The following PRIM2 variants were observed in gnomAD, a reference collection of about 807,000 sequenced individuals.
The protein encoded by PRIM2 is DNA primase subunit 2, also known as DNA primase large subunit.
In PRIM2, 39 loss-of-function variants were observed where a neutral mutation model predicts 67.3. The ratio of observed to expected loss-of-function variants is 0.58; its 90% CI spans 0.45 to 0.76. The LOEUF is 0.76. PRIM2 is among the 30% of genes least tolerant of loss of function. The pLI, the probability that PRIM2 is intolerant of heterozygous loss-of-function variation, is 0.00. For synonymous variants in PRIM2, 143 were observed against 198.7 expected (o/e 0.72, Z 2.36); for missense variants, 398 against 598.7 (o/e 0.66, Z 3.50).
chr6:57,262,352 G>A, the PRIM2 span, among the ~76,000 whole-genome samples: 5 of 152,158 alleles, frequency 3.3e-5, no homozygotes, highest in East Asian at 5.8e-4. Context: ...TATTTATGGC[G>A]TAAATCCCCT....
the PRIM2 span, among the ~76,000 whole-genome samples, chr6:57,256,009 GCACACACACACACATACACACA>G: frequency 1.3e-4 from 18 of 133,668 alleles, no homozygotes; most frequent in African/African-American, 6.4e-4. Flanking sequence ...ATTTAGACAC[GCACACACACACACATACACACA>G]CACACACACA....
At chr6:57,441,003 G>T (rs1311714780) in intron 7 of PRIM2, among the ~76,000 whole-genome samples, 1 of 152,208 alleles carries the variant, frequency 6.6e-6, no homozygotes, top group East Asian at 1.9e-4. Context: ...CTCTGACTTA[G>T]CAACTGTGAA....
chr6:57,331,914 T>G (rs1055573844), intron 5 of PRIM2, among the ~76,000 whole-genome samples: 2 of 151,706 alleles, frequency 1.3e-5, no homozygotes, highest in Admixed American at 1.3e-4. Context: ...TTTACTACAG[T>G]CTTTAGTATT....
chr6:57,313,025 T>C (rs1419065484), upstream of PRIM2, among the ~76,000 whole-genome samples: 1 of 152,242 alleles, frequency 6.6e-6, no homozygotes, highest in African/African-American at 2.4e-5. Context: ...TTGGGTTTTC[T>C]ATTCTGTTCC....
chr6:57,286,594 T>C, the PRIM2 span, among the ~76,000 whole-genome samples: 2 of 152,126 alleles, frequency 1.3e-5, no homozygotes, highest in South Asian at 2.1e-4. Flanking sequence ...TTACACCTTA[T>C]ACAAAAATTA....
chr6:57,365,063 A>C (rs1769314951), intron 5 of PRIM2, among the ~76,000 whole-genome samples: 1 of 152,090 alleles, frequency 6.6e-6, no homozygotes, highest in Admixed American at 6.6e-5. Context: ...AAGTCAAGAC[A>C]GCTTACTGGG....
intron 5 of PRIM2, among the ~76,000 whole-genome samples, chr6:57,367,470 C>T (rs1769397124): frequency 6.6e-6 from 1 of 152,140 alleles, no homozygotes; most frequent in African/African-American, 2.4e-5. Context: ...GTCAGAAATA[C>T]CTCCAAACCT....
the PRIM2 span, among the ~76,000 whole-genome samples, chr6:57,300,690 A>T: frequency 2.0e-5 from 3 of 151,972 alleles, no homozygotes; most frequent in Admixed American, 1.3e-4. Context: ...TTGGGTTGCT[A>T]TTTTCTCTAC....
chr6:57,528,115 C>T (rs1433262004), intron 8 of PRIM2, among the ~76,000 whole-genome samples: 9 of 150,636 alleles, frequency 6.0e-5, no homozygotes, highest in Non-Finnish European at 1.2e-4. Flanking sequence ...AGGTGCGTGC[C>T]ACCACACCCA....
intron 10 of PRIM2, among the ~76,000 whole-genome samples, chr6:57,582,854 G>A (rs1401436049): frequency 8.6e-5 from 13 of 150,534 alleles, no homozygotes; most frequent in Non-Finnish European, 1.6e-4. Flanking sequence ...AGTTACATAT[G>A]TATACATGTG....
At chr6:57,515,368 A>T (rs1554348118) in intron 8 of PRIM2, among the ~76,000 whole-genome samples, 4 of 152,220 alleles carry the variant, frequency 2.6e-5, no homozygotes, top group Admixed American at 6.5e-5. Context: ...AGGAATTGCA[A>T]CATAGATGTT....
the PRIM2 span, among the ~76,000 whole-genome samples, chr6:57,234,875 T>C: frequency 6.6e-6 from 1 of 152,178 alleles, no homozygotes; most frequent in Admixed American, 6.5e-5. Flanking sequence ...CTGTAACAAA[T>C]CGGTATTGAT....
At chr6:57,386,107 T>C (rs894529846) in intron 7 of PRIM2, among the ~76,000 whole-genome samples, 4 of 151,788 alleles carry the variant, frequency 2.6e-5, no homozygotes, top group Non-Finnish European at 4.4e-5. Flanking sequence ...TTATTCTGGC[T>C]GAGTGGGGTG....
At chr6:57,244,588 C>A in the PRIM2 span, among the ~76,000 whole-genome samples, 3 of 151,972 alleles carry the variant, frequency 2.0e-5, no homozygotes, top group Non-Finnish European at 2.9e-5. Context: ...TGGATTAAAC[C>A]CCGTGTCCAC....
intron 7 of PRIM2, among the ~76,000 whole-genome samples, chr6:57,452,097 A>G (rs1360168218): frequency 3.3e-5 from 5 of 152,046 alleles, no homozygotes; most frequent in Admixed American, 6.6e-5. Context: ...CCATGTCCCT[A>G]CAAAGGACAT....
At chr6:57,439,529 C>T (rs1490724893) in intron 7 of PRIM2, among the ~76,000 whole-genome samples, 1 of 149,370 alleles carries the variant, frequency 6.7e-6, no homozygotes, top group East Asian at 2.0e-4. Flanking sequence ...AATTCTCCTG[C>T]CTCAGCCTCC....
intron 13 of PRIM2, among the ~76,000 whole-genome samples, chr6:57,645,637 C>G (rs1429355084): frequency 6.6e-6 from 1 of 151,148 alleles, no homozygotes; most frequent in East Asian, 1.9e-4. Context: ...TTTGAGCCAT[C>G]TTAGATGTTG....
rs1217141965 is a variant in PRIM2 at position 57,598,761 on chromosome 6, G to T, written c.1021-2332G>T. Among the ~76,000 whole-genome samples, 387 of 150,886 alleles carry T rather than the reference G, an allele frequency of 2.6e-3. 8 individuals are homozygous for T. In the South Asian group the frequency reaches 0.028, roughly 11 times the overall value. On this transcript the variant is annotated intron_variant, in intron 10 of 13. Transcript: ENST00000615550. The stretch of plus-strand genomic sequence containing the variant: ...AGTCCTAGTCACCCAGGAGGCTGAG[G>T]TGGGAAGATCACTTGAGCCCAGGAG...
At chr6:57,459,986 C>T (rs1772946284) in intron 7 of PRIM2, among the ~76,000 whole-genome samples, 1 of 152,138 alleles carries the variant, frequency 6.6e-6, no homozygotes, top group African/African-American at 2.4e-5. Context: ...GAGCCCCCTC[C>T]TGGTCATGAA....
Sources: gnomAD v4.1 joint callset for allele counts (sites outside exome capture counted in the v4.1 genomes callset) on GRCh38, gnomAD v4.1.1 for gene constraint, MANE v1.5 for transcripts, NCBI Gene and HGNC (gene_info 2026-07-23, HGNC 2026-07-21) for gene names.